KRABD2: variants seen among roughly 807,000 people sequenced by gnomAD.
The protein encoded by KRABD2 is KRAB domain containing 2, also known as KRAB domain-containing protein 2.
the KRABD2 span, chr17:8,372,173 C>CT: frequency 1.8e-6 from 1 of 556,856 alleles, no homozygotes; most frequent in African/African-American, 2.1e-5. The surrounding 1 kb of genome is among the most constrained non-coding windows in gnomAD (Gnocchi z 4.1). Flanking sequence ...AGGTCCTTCA[C>CT]TAAAAGGGCT....
the KRABD2 span, among the ~76,000 whole-genome samples, chr17:8,374,797 T>A: frequency 1.3e-5 from 2 of 149,598 alleles, no homozygotes; most frequent in Admixed American, 1.3e-4. Flanking sequence ...ATACAAAAAA[T>A]TAGCTGGGCA....
chr17:8,375,173 A>G, the KRABD2 span, among the ~76,000 whole-genome samples: 1 of 151,628 alleles, frequency 6.6e-6, no homozygotes, highest in African/African-American at 2.4e-5. Flanking sequence ...CACCAGGCCC[A>G]GCTAATTTTT....
the KRABD2 span, among the ~76,000 whole-genome samples, chr17:8,374,539 G>A: frequency 2.8e-5 from 4 of 143,278 alleles, no homozygotes; most frequent in African/African-American, 1.0e-4. Flanking sequence ...TTGTTCACAT[G>A]TTTATCTGCT....
At chr17:8,374,856 T>G in the KRABD2 span, among the ~76,000 whole-genome samples, 1 of 122,716 alleles carries the variant, frequency 8.1e-6, no homozygotes, top group East Asian at 2.6e-4. Context: ...GAGGATGACA[T>G]GAACCCGGGA....
At chr17:8,375,992 G>C in the KRABD2 span, 1 of 1,231,362 alleles carries the variant, frequency 8.1e-7, no homozygotes, top group Non-Finnish European at 1.0e-6. Flanking sequence ...CCTTCCTGAC[G>C]TATTCAGTAA....
chr17:8,365,674 C>A, the KRABD2 span: 33,015 of 152,140 alleles, frequency 0.22, 3,824 homozygotes, highest in Non-Finnish European at 0.27. Flanking sequence ...TCAGAGAAAG[C>A]CCCTTCACAT....
chr17:8,360,059 C>T, the KRABD2 span, among the ~76,000 whole-genome samples: 1 of 152,102 alleles, frequency 6.6e-6, no homozygotes, highest in Non-Finnish European at 1.5e-5. Flanking sequence ...CGTACTCACC[C>T]TGTAATGTCG....
At chr17:8,363,830 CATATATATATATATAT>C in the KRABD2 span, among the ~76,000 whole-genome samples, 1 of 87,014 alleles carries the variant, frequency 1.1e-5, no homozygotes, top group African/African-American at 5.4e-5. Context: ...ATATATCATA[CATATATATATATATAT>C]ATATATATAT....
At chr17:8,360,104 C>T in the KRABD2 span, among the ~76,000 whole-genome samples, 1 of 152,024 alleles carries the variant, frequency 6.6e-6, no homozygotes, top group Non-Finnish European at 1.5e-5. Context: ...AACTCCTACG[C>T]CAAAGTTCCA....
At chr17:8,375,815 G>GA in the KRABD2 span, 3 of 944,856 alleles carry the variant, frequency 3.2e-6, no homozygotes, top group Non-Finnish European at 4.1e-6. Flanking sequence ...TTCTTGGTGT[G>GA]ATCTATGTGA....
At chr17:8,366,877 G>A in the KRABD2 span, among the ~76,000 whole-genome samples, 34 of 151,960 alleles carry the variant, frequency 2.2e-4, no homozygotes, top group Non-Finnish European at 3.5e-4. Context: ...GCATGCCACC[G>A]TGCCCGGCTA....
the KRABD2 span, chr17:8,371,161 CTG>C: frequency 3.1e-6 from 2 of 644,840 alleles, no homozygotes; most frequent in African/African-American, 1.8e-5. Context: ...CAAAGCGAGA[CTG>C]TTTCAAAAAA....
At chr17:8,359,501 G>A in the KRABD2 span, 1 of 438,106 alleles carries the variant, frequency 2.3e-6, no homozygotes, top group South Asian at 1.6e-5. Flanking sequence ...TTTATTTGTT[G>A]GTACCACCAA....
the KRABD2 span, chr17:8,371,194 G>T: frequency 1.1e-6 from 1 of 942,376 alleles, no homozygotes. Flanking sequence ...TTATGGCTGA[G>T]GAGTCTGTCC....
chr17:8,364,863 G>A, the KRABD2 span, among the ~76,000 whole-genome samples: 6 of 152,024 alleles, frequency 3.9e-5, no homozygotes, highest in African/African-American at 9.6e-5. The surrounding 1 kb of genome is among the most constrained non-coding windows in gnomAD (Gnocchi z 4.4). Context: ...ACAAAACCCC[G>A]TCTCTACTAA....
chr17:8,361,070 G>A, the KRABD2 span, among the ~76,000 whole-genome samples: 1 of 152,014 alleles, frequency 6.6e-6, no homozygotes, highest in Non-Finnish European at 1.5e-5. Context: ...AGAAGAAAAC[G>A]TTCCTTCTAC....
the KRABD2 span, among the ~76,000 whole-genome samples, chr17:8,362,923 T>G: frequency 6.6e-6 from 1 of 152,230 alleles, no homozygotes; most frequent in Non-Finnish European, 1.5e-5. The surrounding 1 kb of genome is among the most constrained non-coding windows in gnomAD (Gnocchi z 4.2). Flanking sequence ...TGTTTTGTAC[T>G]AGACTGGTCA....
At chr17:8,359,934 G>C in the KRABD2 span, 1 of 423,452 alleles carries the variant, frequency 2.4e-6, no homozygotes, top group Non-Finnish European at 4.8e-6. Context: ...AATTGTGGGG[G>C]TAGAGTGGGG....
At chr17:8,376,645 GAC>G in the KRABD2 span, 2 of 985,540 alleles carry the variant, frequency 2.0e-6, no homozygotes. Flanking sequence ...AGGAGAAAGG[GAC>G]ACACCAGACG....
Sources: allele counts gnomAD v4.1 joint callset (sites outside exome capture counted in the v4.1 genomes callset), GRCh38; gene constraint gnomAD v4.1.1; non-coding constraint Gnocchi (gnomAD v3.1); transcripts MANE v1.5; gene names NCBI Gene and HGNC (gene_info 2026-07-23, HGNC 2026-07-21).